Variants in SNX18 observed in about 807,000 individuals in gnomAD.
The protein encoded by SNX18 is sorting nexin 18, also known as sorting nexin-18.
A neutral mutation model predicts 48.7 loss-of-function variants in SNX18; 35 were observed. The ratio of observed to expected loss-of-function variants is 0.72; its 90% CI spans 0.55 to 0.95. The LOEUF (loss-of-function observed/expected upper bound fraction) is 0.95. Ranked by LOEUF, SNX18 falls within the 40% of genes least tolerant of loss-of-function variation. The pLI is 0.00. For missense variants in SNX18, 824 were observed against 871.0 expected (o/e 0.95, Z 0.68); for synonymous variants, 492 against 384.7 (o/e 1.28, Z -3.26).
the SNX18 span, among the ~76,000 whole-genome samples, chr5:54,555,339 C>T: frequency 1.3e-5 from 2 of 151,650 alleles, no homozygotes; most frequent in Non-Finnish European, 2.9e-5. Flanking sequence ...TCTTTTCTCT[C>T]CATTTTCCAG....
At chr5:54,583,182 T>C in the SNX18 span, among the ~76,000 whole-genome samples, 1 of 152,194 alleles carries the variant, frequency 6.6e-6, no homozygotes, top group Non-Finnish European at 1.5e-5. Context: ...AAGCTATGTT[T>C]CTCAGGCTGG....
At chr5:54,646,416 G>A in the SNX18 span, among the ~76,000 whole-genome samples, 1 of 152,230 alleles carries the variant, frequency 6.6e-6, no homozygotes, top group Non-Finnish European at 1.5e-5. Flanking sequence ...TTCGTGGTCT[G>A]TCAACTTCTC....
intron 1 of SNX18, among the ~76,000 whole-genome samples, chr5:54,533,094 A>G (rs1762281370): frequency 6.6e-6 from 1 of 152,128 alleles, no homozygotes; most frequent in South Asian, 2.1e-4. Context: ...TTTTTTTTCC[A>G]TCAAGTGACC....
chr5:54,571,552 T>C, the SNX18 span, among the ~76,000 whole-genome samples: 22 of 152,334 alleles, frequency 1.4e-4, no homozygotes, highest in East Asian at 4.2e-3. Context: ...GCTCCACGAA[T>C]AGGGGCTCAT....
intron 1 of SNX18, among the ~76,000 whole-genome samples, chr5:54,524,539 A>G (rs1762093751): frequency 6.6e-6 from 1 of 152,250 alleles, no homozygotes; most frequent in Non-Finnish European, 1.5e-5. Flanking sequence ...CCCTTGAACT[A>G]TTTAATATGT....
the SNX18 span, among the ~76,000 whole-genome samples, chr5:54,596,598 G>A: frequency 2.5e-3 from 375 of 152,276 alleles, 1 homozygote; most frequent in African/African-American, 8.7e-3. Context: ...GAGGCCATCT[G>A]TAGCAGCATG....
the SNX18 span, among the ~76,000 whole-genome samples, chr5:54,573,651 A>C: frequency 6.6e-6 from 1 of 152,194 alleles, no homozygotes; most frequent in Non-Finnish European, 1.5e-5. Flanking sequence ...GTCGGGTGTC[A>C]GGCTAAGGGA....
chr5:54,620,333 G>A, the SNX18 span, among the ~76,000 whole-genome samples: 2 of 152,172 alleles, frequency 1.3e-5, no homozygotes, highest in African/African-American at 4.8e-5. Context: ...CCTGGAAGGA[G>A]AGTCACATAG....
At chr5:54,534,690 T>TC (rs903291898) in intron 1 of SNX18, among the ~76,000 whole-genome samples, 3 of 150,830 alleles carry the variant, frequency 2.0e-5, no homozygotes, top group Admixed American at 6.6e-5. Context: ...GTTTTTTTTT[T>TC]CCCTCTGTCT....
chr5:54,584,741 G>T, the SNX18 span, among the ~76,000 whole-genome samples: 1 of 152,176 alleles, frequency 6.6e-6, no homozygotes, highest in East Asian at 1.9e-4. Flanking sequence ...GGGTTTGTGT[G>T]TGTATTGCAA....
the SNX18 span, among the ~76,000 whole-genome samples, chr5:54,592,930 A>G: frequency 4.6e-5 from 7 of 152,110 alleles, no homozygotes; most frequent in Non-Finnish European, 7.4e-5. Flanking sequence ...CCTCCCAAGT[A>G]GCTGGGATTA....
At chr5:54,530,825 C>T (rs555287659) in intron 1 of SNX18, among the ~76,000 whole-genome samples, 9 of 139,662 alleles carry the variant, frequency 6.4e-5, no homozygotes, top group Admixed American at 3.9e-4. Context: ...GATCTCGGCT[C>T]ACCATAACCT....
chr5:54,518,000 A>T lies in SNX18; in HGVS notation c.48A>T (p.Pro16=). Residue 16 remains proline (P), a synonymous_variant, in exon 1 of 2, where the codon CCA becomes CCT. Transcript: ENST00000381410. ...RALYDFRSEN[P]GEISLREHEV... ...TGTACGACTTCAGGTCGGAGAACCC[A>T]GGAGAGATCTCGCTGCGAGAGCACG... is the stretch of plus-strand genomic sequence containing the variant. 1 of 1,544,072 alleles carries T rather than the reference A, an allele frequency of 6.5e-7. No homozygotes were observed. Among genetic ancestry groups the T allele is most frequent in the Non-Finnish European group, 8.7e-7 (1 of 1,147,322 alleles).
the SNX18 span, among the ~76,000 whole-genome samples, chr5:54,638,795 C>G: frequency 4.6e-5 from 7 of 152,098 alleles, no homozygotes; most frequent in Admixed American, 3.3e-4. Flanking sequence ...ACCCGCTTGC[C>G]TAAGGTCAGC....
intron 1 of SNX18, among the ~76,000 whole-genome samples, chr5:54,537,460 T>C (rs1000971449): frequency 3.9e-5 from 6 of 152,236 alleles, no homozygotes; most frequent in Non-Finnish European, 7.3e-5. Flanking sequence ...AGTGACATTG[T>C]CGTTGGAAAA....
chr5:54,626,425 G>A, the SNX18 span, among the ~76,000 whole-genome samples: 1 of 152,102 alleles, frequency 6.6e-6, no homozygotes, highest in Non-Finnish European at 1.5e-5. Flanking sequence ...CAGAGTGCTA[G>A]GATTACAGGC....
the SNX18 span, among the ~76,000 whole-genome samples, chr5:54,600,700 C>T: frequency 6.6e-6 from 1 of 152,138 alleles, no homozygotes; most frequent in Non-Finnish European, 1.5e-5. Flanking sequence ...AGCCAGAAGC[C>T]ATTATCCTCA....
intron 1 of SNX18, among the ~76,000 whole-genome samples, chr5:54,537,167 A>G (rs1019875080): frequency 1.5e-4 from 23 of 152,166 alleles, no homozygotes; most frequent in Admixed American, 6.5e-4. Context: ...TTGTCTCTAC[A>G]GTTTAAATTA....
At chr5:54,571,903 T>C in the SNX18 span, among the ~76,000 whole-genome samples, 4 of 152,182 alleles carry the variant, frequency 2.6e-5, no homozygotes, top group African/African-American at 7.2e-5. Flanking sequence ...CTGTAAATGA[T>C]AGTGAATTTT....
Sources: gnomAD v4.1 joint callset for allele counts (sites outside exome capture counted in the v4.1 genomes callset) on GRCh38, gnomAD v4.1.1 for gene constraint, MANE v1.5 for transcripts, NCBI Gene and HGNC (gene_info 2026-07-23, HGNC 2026-07-21) for gene names.